PKD1L3: variants seen among roughly 807,000 people sequenced by gnomAD.
The protein encoded by PKD1L3 is polycystin-1-like protein 3.
A neutral mutation model predicts 184.1 loss-of-function variants in PKD1L3; 239 were observed. That is an observed-to-expected ratio of 1.30 (90% CI 1.17 to 1.45). The LOEUF is 1.45. PKD1L3 is among the 40% of genes most tolerant of loss of function. The probability of loss-of-function intolerance (pLI) is 0.00; values close to 1 mark genes in which losing one functional copy is unlikely to be tolerated. For missense variants in PKD1L3, 2,660 were observed against 2,067.2 expected (o/e 1.29, Z -5.56); for synonymous variants, 996 against 778.8 (o/e 1.28, Z -4.64).
At chr16:71,978,696 T>G (rs1163407000) in intron 9 of PKD1L3, among the ~76,000 whole-genome samples, 2 of 151,740 alleles carry the variant, frequency 1.3e-5, no homozygotes, top group Non-Finnish European at 2.9e-5. Context: ...CACACCACCA[T>G]GCCTGGCTAA....
At chr16:71,968,079 G>A (rs2039569091) in intron 13 of PKD1L3, 72 bp from the exon 14 acceptor site, 13 of 1,238,168 alleles carry the variant, frequency 1.0e-5, no homozygotes, top group Non-Finnish European at 1.5e-5. Flanking sequence ...TCCAGCTGAG[G>A]AGCAGGAGGA....
intron 11 of PKD1L3, among the ~76,000 whole-genome samples, chr16:71,974,001 C>CG (rs1491092911): frequency 1.1e-4 from 12 of 107,148 alleles, no homozygotes; most frequent in African/African-American, 4.0e-4. Flanking sequence ...GATTTTGTCT[C>CG]AAAAAAAAAA....
intron 16 of PKD1L3, among the ~76,000 whole-genome samples, chr16:71,958,641 C>T (rs529365704): frequency 3.3e-5 from 5 of 150,476 alleles, no homozygotes; most frequent in Middle Eastern, 3.5e-3. Flanking sequence ...ATTAGCCAGG[C>T]GTGGTGGTGG....
In PKD1L3 at chr16:71,937,398, C is replaced by T. The variant is rs1199669256; in HGVS notation, c.4346G>A (p.Arg1449Lys). 4.5e-6 allele frequency: 7 copies of T among 1,551,672 alleles called. No individual in the cohort carries two copies. Among genetic ancestry groups the T allele is most frequent in the Admixed American group, 2.0e-5 (1 of 50,992 alleles). Residue 1449 changes from arginine to lysine, a missense_variant, in exon 25 of 30, where the codon AGA (arginine) becomes AAA (lysine). Arg to Lys is a conservative substitution (Grantham distance 26). Coordinates refer to ENST00000620267, the MANE Select transcript of PKD1L3 (RefSeq NM_181536.2). ...IMRGAFFTSL[R>K]LESFTSLQMS... Reference sequence around the variant, plus strand: ...CTGAAGGGAAGTGAAGCTTTCCAGTCTCAAAGAGGTGAAGAAAGCACCTGA... The same window carrying T: ...CTGAAGGGAAGTGAAGCTTTCCAGTTTCAAAGAGGTGAAGAAAGCACCTGA...
In PKD1L3 at chr16:71,984,069, TGTTA is replaced by T; in HGVS notation, c.929_932del (p.Leu310GlnfsTer3). On this transcript the variant is annotated frameshift_variant, in exon 6 of 30. Transcript: ENST00000620267. LOFTEE classifies it high-confidence loss of function. ...GCTTAGAAAATCTTGGGGTTAAGGC[TGTTA>T]GTTTCTGGAGGAACTCACAAGCTTC... The T allele has an allele frequency of 6.4e-7, 1 of 1,552,308 alleles. No homozygotes were observed. The highest frequency in any genetic ancestry group is 8.7e-7 in the Non-Finnish European group (1 of 1,147,100).
intron 1 of PKD1L3, 148 bp downstream of exon 1, chr16:71,999,536 A>G: frequency 1.2e-6 from 1 of 818,508 alleles, no homozygotes; most frequent in Non-Finnish European, 1.7e-6. Flanking sequence ...ACAAAATGGA[A>G]ATATTTCAGA....
intron 22 of PKD1L3, among the ~76,000 whole-genome samples, chr16:71,944,882 A>G (rs1382625316): frequency 6.6e-6 from 1 of 151,754 alleles, no homozygotes. Context: ...TATTTTCAGT[A>G]GAGACAGGGT....
chr16:71,955,386 G>A (rs1371985441), intron 16 of PKD1L3, among the ~76,000 whole-genome samples: 3 of 151,928 alleles, frequency 2.0e-5, no homozygotes, highest in Admixed American at 6.6e-5. Flanking sequence ...GCAGTGAGCT[G>A]AGATCGCACC....
In PKD1L3 at chr16:71,963,393, G is replaced by T. The variant is rs568436324; in HGVS notation, c.2466-42C>A. 2.7e-5 allele frequency: 41 copies of T among 1,499,506 alleles called. No homozygotes were observed. The South Asian group carries it at 4.8e-4, about 17-fold the overall frequency. The allele number at this position is 1,499,506 out of a possible 1,614,324, so 92.9% of individuals were successfully genotyped here. ...ATAACCACATTAGGGAGATGGGCTT[G>T]AATCAGTTGTCTGTAGTAAGACGTA... On this transcript the variant is annotated intron_variant, in intron 15 of 29. Coordinates refer to ENST00000620267, the MANE Select transcript of PKD1L3 (RefSeq NM_181536.2).
intron 21 of PKD1L3, among the ~76,000 whole-genome samples, chr16:71,948,091 A>T (rs542717240): frequency 1.3e-4 from 19 of 151,162 alleles, no homozygotes; most frequent in East Asian, 5.8e-4. Flanking sequence ...TTTTATTATT[A>T]TTTTTTTTGA....
intron 11 of PKD1L3, among the ~76,000 whole-genome samples, chr16:71,975,010 G>C (rs1296315267): frequency 1.3e-5 from 2 of 152,126 alleles, no homozygotes; most frequent in Admixed American, 6.6e-5. Flanking sequence ...GATACCCACA[G>C]AGCATGGTTT....
chr16:71,942,402 G>A (rs1243881698), intron 24 of PKD1L3, among the ~76,000 whole-genome samples, 158 bp downstream of exon 24: 1 of 151,000 alleles, frequency 6.6e-6, no homozygotes, highest in Non-Finnish European at 1.5e-5. Context: ...TGTGATGGGA[G>A]AATAAAAACA....
chr16:71,935,503 G>GT lies in PKD1L3; in HGVS notation c.4467dup (p.Gln1490ThrfsTer22), dbSNP rs1364861606. The GT allele has an allele frequency of 6.4e-7, 1 of 1,552,138 alleles. No homozygotes were observed. The highest frequency in any genetic ancestry group is 2.0e-5 in the Admixed American group (1 of 50,982). ...CCAGTGAAGAACCTCCACTTCTGCT[G>GT]TTTCAGCTGACAACCCTAAACATAG... is the stretch of plus-strand genomic sequence containing the variant. On this transcript the variant is annotated frameshift_variant, in exon 26 of 30. Transcript: ENST00000620267. LOFTEE classifies it high-confidence loss of function.
At position 71,967,135 on chromosome 16, in the gene PKD1L3, A is replaced by T. The variant is rs1236829015; in HGVS notation, c.2465+2T>A. The T allele has an allele frequency of 6.4e-7, 1 of 1,551,248 alleles. No homozygotes were observed. The highest frequency in any genetic ancestry group is 8.7e-7 in the Non-Finnish European group (1 of 1,146,746). ...AACAGCCAACAGGATATAAGTACTCACCAGGAGGGACTGACGCCAGAATTG... is the reference window on the plus strand; with the variant it reads ...AACAGCCAACAGGATATAAGTACTCTCCAGGAGGGACTGACGCCAGAATTG... On this transcript the variant is annotated splice_donor_variant, in intron 15 of 29. Transcript: ENST00000620267. LOFTEE classifies it high-confidence loss of function.
chr16:71,931,328 A>G (rs2143077961), intron 28 of PKD1L3: 1 of 152,318 alleles, frequency 6.6e-6, no homozygotes, highest in African/African-American at 2.4e-5. Context: ...CAGCAGTTAC[A>G]GTTGTCCCTT....
At chr16:71,989,286 C>T (rs776639547) in intron 4 of PKD1L3, among the ~76,000 whole-genome samples, 3 of 152,210 alleles carry the variant, frequency 2.0e-5, no homozygotes, top group Admixed American at 1.3e-4. Flanking sequence ...TCCCAAGTAG[C>T]TGGGATTACA....
At chr16:71,947,621 G>A in intron 21 of PKD1L3, 30 bp from the exon 22 acceptor site, 1 of 1,410,490 alleles carries the variant, frequency 7.1e-7, no homozygotes, top group East Asian at 2.5e-5. Flanking sequence ...AACATCGTGA[G>A]CAGACATTAC....
intron 16 of PKD1L3, 57 bp downstream of exon 16, chr16:71,963,148 A>G: frequency 1.4e-6 from 2 of 1,427,850 alleles, no homozygotes; most frequent in South Asian, 1.4e-5. Context: ...AATCGTGAAC[A>G]ATTCAATTAA....
Position 71,976,631 on chromosome 16 carries a change from A to C in PKD1L3, c.1759+605T>G, listed in dbSNP as rs137990679. Among the ~76,000 whole-genome samples the C allele has an allele frequency of 4.0e-4, 61 of 152,286 alleles. 2 individuals are homozygous for C. In the East Asian group the frequency reaches 0.012, roughly 29 times the overall value. On this transcript the variant is annotated intron_variant, in intron 11 of 29. Coordinates refer to ENST00000620267, the MANE Select transcript of PKD1L3 (RefSeq NM_181536.2). ...ATGAAAATTTTTTTAAAAAAGAAAA[A>C]AAAGTGGCCACATGAAGTAGCTCAT...
Sources: allele counts gnomAD v4.1 joint callset (sites outside exome capture counted in the v4.1 genomes callset), GRCh38; gene constraint gnomAD v4.1.1; transcripts MANE v1.5; gene names NCBI Gene and HGNC (gene_info 2026-07-23, HGNC 2026-07-21).